KHDC1: variants seen among roughly 807,000 people sequenced by gnomAD.
KHDC1 encodes KH domain containing 1, also known as KH homology domain-containing protein 1.
In KHDC1, 21 loss-of-function variants were observed where a neutral mutation model predicts 24.7. That is an observed-to-expected ratio of 0.85 (90% CI 0.60 to 1.23). KHDC1 has a LOEUF of 1.23. Ranked by LOEUF, KHDC1 falls within the 50% of genes most tolerant of loss-of-function variation. The pLI, the probability that KHDC1 is intolerant of heterozygous loss-of-function variation, is 0.00. For synonymous variants in KHDC1, 98 were observed against 111.7 expected, an observed-to-expected ratio of 0.88 and a Z score of 0.77; for missense variants, 274 against 298.5, an observed-to-expected ratio of 0.92 and a Z score of 0.61.
chr6:73,259,079 G>A (rs756699345), intron 2 of KHDC1, among the ~76,000 whole-genome samples: 1 of 152,202 alleles, frequency 6.6e-6, no homozygotes, highest in African/African-American at 2.4e-5. Context: ...CCTGGGGCCT[G>A]CTTCTTCCTA....
At chr6:73,244,534 G>T (rs1762538597) in intron 2 of KHDC1, among the ~76,000 whole-genome samples, 1 of 152,100 alleles carries the variant, frequency 6.6e-6, no homozygotes, top group Non-Finnish European at 1.5e-5. Context: ...TCTGCCTTTT[G>T]AAGTGTTGAA....
chr6:73,262,357 T>C (rs2150568147), intron 2 of KHDC1, among the ~76,000 whole-genome samples: 1 of 152,354 alleles, frequency 6.6e-6, no homozygotes, highest in East Asian at 1.9e-4. Flanking sequence ...TTTCCCTTGT[T>C]TCCTGTTACA....
intron 2 of KHDC1, 178 bp from the exon 2 acceptor site, chr6:73,242,708 T>TTG: frequency 2.7e-6 from 2 of 731,094 alleles, no homozygotes; most frequent in Non-Finnish European, 4.3e-6. Flanking sequence ...AGTAATTATC[T>TTG]GTTCTGAGCT....
chr6:73,292,027 CCTT>C (rs1562258527), exon 2 of KHDC1: 1 of 1,613,832 alleles, frequency 6.2e-7, no homozygotes, highest in Non-Finnish European at 8.5e-7. Context: ...TCTTTCCGCT[CCTT>C]GAGTTTCTCT....
chr6:73,293,654 T>TA (rs1451981551), intron 1 of KHDC1, among the ~76,000 whole-genome samples: 2 of 151,810 alleles, frequency 1.3e-5, no homozygotes, highest in Non-Finnish European at 2.9e-5. Context: ...TGCCTGTAAT[T>TA]ACAGCTACTT....
At position 73,246,104 on chromosome 6, in the gene KHDC1, G is replaced by T. The variant is rs185798185; in HGVS notation, c.207-3574C>A. ...ATTTTTAACAAGACTTTCACAAGAG[G>T]TCAGAAAAACCTCTTAATTTCCAAA... On this transcript the variant is annotated intron_variant, in intron 2 of 4. Transcript: ENST00000370384. 2.6e-5 allele frequency among the ~76,000 whole-genome samples: 4 copies of T among 152,230 alleles called. No homozygotes were observed. In the East Asian group the frequency reaches 7.7e-4, roughly 29 times the overall value.
chr6:73,309,933 G>A, exon 1 of KHDC1: 1 of 514,758 alleles, frequency 1.9e-6, no homozygotes, highest in Non-Finnish European at 3.4e-6. Flanking sequence ...GTGGGCACGG[G>A]ACCACATGCG....
intron 2 of KHDC1, among the ~76,000 whole-genome samples, chr6:73,256,850 A>G (rs1350128328): frequency 6.6e-6 from 1 of 152,210 alleles, no homozygotes; most frequent in African/African-American, 2.4e-5. Flanking sequence ...TAAGGTTTAT[A>G]TTCATTCTAC....
chr6:73,302,454 T>C (rs1767894052), intron 1 of KHDC1, among the ~76,000 whole-genome samples: 1 of 152,214 alleles, frequency 6.6e-6, no homozygotes, highest in African/African-American at 2.4e-5. Flanking sequence ...TAGCCTACTA[T>C]ACACCCAAGC....
At chr6:73,292,428 T>C in intron 1 of KHDC1, 1 of 776,094 alleles carries the variant, frequency 1.3e-6, no homozygotes. Context: ...TTTTTCAGAG[T>C]GTTGGTTCCA....
intron 1 of KHDC1, chr6:73,292,194 T>C (rs1767666365): frequency 1.3e-5 from 20 of 1,492,262 alleles, no homozygotes; most frequent in Non-Finnish European, 1.8e-5. Context: ...ACCACAGTTG[T>C]TGCACAACTG....
chr6:73,309,718 G>T (rs1164822006), exon 1 of KHDC1: 1 of 1,550,012 alleles, frequency 6.5e-7, no homozygotes, highest in Non-Finnish European at 8.7e-7. Flanking sequence ...ACAGCATTTC[G>T]CGTTTCTGGC....
rs549944624 is a variant in KHDC1 at position 73,267,572 on chromosome 6, G to A, written c.206+24426C>T. ...TTTGAACCCTTGTTATTACTGGTAG[G>A]AATATAAAATGGTGCAGCCACTGTG... is the stretch of plus-strand genomic sequence containing the variant. On this transcript the variant is annotated intron_variant, in intron 2 of 4. Coordinates refer to ENST00000370384, the Ensembl canonical transcript of KHDC1. Among the ~76,000 whole-genome samples, 25 of 152,308 alleles carry A rather than the reference G, an allele frequency of 1.6e-4. 1 individual carries two copies. The South Asian group carries it at 5.0e-3, about 30-fold the overall frequency.
chr6:73,300,320 C>T (rs1327834761), intron 1 of KHDC1: 1 of 152,190 alleles, frequency 6.6e-6, no homozygotes, highest in Non-Finnish European at 1.5e-5. Flanking sequence ...GTAGCTCATT[C>T]CCCCTTCCAC....
chr6:73,291,046 C>A, intron 2 of KHDC1: 1 of 406,790 alleles, frequency 2.5e-6, no homozygotes, highest in Non-Finnish European at 4.8e-6. Context: ...TAGGCTGCAG[C>A]TGAAAAAGGA....
At chr6:73,247,003 G>T (rs757738171) in intron 2 of KHDC1, among the ~76,000 whole-genome samples, 16 of 151,064 alleles carry the variant, frequency 1.1e-4, no homozygotes, top group East Asian at 7.8e-4. Context: ...TTGAGACAGA[G>T]TTTTGCTATT....
At chr6:73,275,769 T>G (rs2150636234) in intron 2 of KHDC1, 1 of 154,406 alleles carries the variant, frequency 6.5e-6, no homozygotes, top group East Asian at 1.9e-4. Flanking sequence ...CTACACAGGC[T>G]CAAGCAGAGT....
intron 1 of KHDC1, chr6:73,292,132 A>G (rs1767664952): frequency 6.3e-7 from 1 of 1,577,888 alleles, no homozygotes; most frequent in Non-Finnish European, 8.7e-7. Context: ...CTATGGATGC[A>G]TACAAAAACC....
intron 2 of KHDC1, among the ~76,000 whole-genome samples, chr6:73,258,893 ACTGT>A (rs1279725560): frequency 6.6e-6 from 1 of 152,128 alleles, no homozygotes; most frequent in Admixed American, 6.6e-5. Flanking sequence ...GCAGATGGAG[ACTGT>A]CTGGAAGGGC....
Sources: allele counts gnomAD v4.1 joint callset (sites outside exome capture counted in the v4.1 genomes callset), GRCh38; gene constraint gnomAD v4.1.1; transcripts MANE v1.5; gene names NCBI Gene and HGNC (gene_info 2026-07-23, HGNC 2026-07-21).